The following FAS variants were observed in gnomAD, a reference collection of about 807,000 sequenced individuals.
FAS encodes the protein tumor necrosis factor receptor superfamily member 6.
In FAS, 5 loss-of-function variants were observed where a neutral mutation model predicts 33.2. The ratio of observed to expected loss-of-function variants is 0.15; its 90% CI spans 0.08 to 0.32. FAS has a LOEUF of 0.32. Ranked by LOEUF, FAS falls within the 10% of genes least tolerant of loss-of-function variation. The pLI is 1.00. For missense variants in FAS, 339 were observed against 386.0 expected, an observed-to-expected ratio of 0.88 and a Z score of 1.02; for synonymous variants, 131 against 130.7, an observed-to-expected ratio of 1.00 and a Z score of -0.01.
chr10:89,008,103 G>A (rs138402543), intron 3 of FAS, among the ~76,000 whole-genome samples: 67 of 152,234 alleles, frequency 4.4e-4, no homozygotes, highest in Non-Finnish European at 2.9e-5. Flanking sequence ...CAAATCAAAA[G>A]CTCAGAAATT....
chr10:89,012,259 C>T (rs997503329), intron 7 of FAS, 178 bp downstream of exon 7: 1 of 570,978 alleles, frequency 1.8e-6, no homozygotes, highest in Non-Finnish European at 3.1e-6. Flanking sequence ...CTCACTGCAG[C>T]CTCAAAGTCC....
rs763983348 is a variant in FAS, at chr10:89,016,007, C to T, written c.*1557C>T. 8.2e-6 allele frequency: 2 copies of T among 243,700 alleles called. No individual in the cohort carries two copies. The highest frequency in any genetic ancestry group is 5.9e-5 in the East Asian group (1 of 17,038). The allele number at this position is 243,700 out of a possible 1,614,324, so 15.1% of individuals were successfully genotyped here. A position where few individuals can be genotyped will look rare whatever the true frequency, so the allele number is the denominator to read the frequency against. On this transcript the variant is annotated 3_prime_UTR_variant, in exon 9 of 9. Coordinates refer to ENST00000652046, the MANE Select transcript of FAS (RefSeq NM_000043.6). ...CACATGATTATTCGTCAAACAGTTTCGTATTCCAGATACTGGAATGTGGAT... is the reference window on the plus strand; with the variant it reads ...CACATGATTATTCGTCAAACAGTTTTGTATTCCAGATACTGGAATGTGGAT...
At chr10:88,964,922 A>C (rs1416153274) in intron 1 of FAS, among the ~76,000 whole-genome samples, 1 of 151,548 alleles carries the variant, frequency 6.6e-6, no homozygotes, top group Non-Finnish European at 1.5e-5. Flanking sequence ...TGCAACTTTC[A>C]CTCCAAGCTT....
chr10:88,998,629 C>G (rs1174307933), intron 1 of FAS, among the ~76,000 whole-genome samples: 1 of 152,142 alleles, frequency 6.6e-6, no homozygotes, highest in Non-Finnish European at 1.5e-5. Flanking sequence ...GGGGAGGACA[C>G]AGTTTAGCCC....
intron 6 of FAS, chr10:89,011,052 A>G (rs1170621789): frequency 1.9e-5 from 11 of 571,714 alleles, no homozygotes; most frequent in Non-Finnish European, 3.4e-5. Context: ...CTTCCTATGA[A>G]CAGGTGTTCT....
chr10:89,013,546 A>AACAAG (rs1848636309), intron 8 of FAS, among the ~76,000 whole-genome samples, 179 bp downstream of exon 8: 1 of 152,084 alleles, frequency 6.6e-6, no homozygotes, highest in Non-Finnish European at 1.5e-5. Flanking sequence ...TTTATAATGA[A>AACAAG]TACTCATAGT....
At chr10:89,013,527 T>C (rs1848634687) in intron 8 of FAS, among the ~76,000 whole-genome samples, 160 bp downstream of exon 8, 2 of 152,284 alleles carry the variant, frequency 1.3e-5, no homozygotes, top group Non-Finnish European at 1.5e-5. Context: ...ATCAGGCAGT[T>C]TGTTTAAATT....
At chr10:89,010,980 T>C (rs537729204) in intron 6 of FAS, 165 bp downstream of exon 6, 2 of 786,472 alleles carry the variant, frequency 2.5e-6, no homozygotes, top group Admixed American at 2.1e-5. Flanking sequence ...TAAGAACAAA[T>C]GAAATTATTC....
upstream of FAS, among the ~76,000 whole-genome samples, chr10:88,982,830 T>C (rs1200237560): frequency 3.3e-5 from 5 of 152,182 alleles, no homozygotes. Context: ...ACATTTCCCA[T>C]CTACTACCAC....
chr10:89,007,626 C>A, intron 2 of FAS, 74 bp from the exon 3 acceptor site: 6 of 1,553,096 alleles, frequency 3.9e-6, no homozygotes, highest in South Asian at 2.3e-5. Flanking sequence ...TATTGTCTGT[C>A]ATCCCTCTAT....
chr10:88,998,585 G>A (rs1276360133), intron 1 of FAS, among the ~76,000 whole-genome samples: 1 of 152,122 alleles, frequency 6.6e-6, no homozygotes, highest in Non-Finnish European at 1.5e-5. Context: ...CAGGAAGTTA[G>A]GGTATCAGTA....
intron 1 of FAS, among the ~76,000 whole-genome samples, chr10:89,000,152 A>G (rs1329531718): frequency 6.6e-6 from 1 of 152,232 alleles, no homozygotes; most frequent in Non-Finnish European, 1.5e-5. Flanking sequence ...AAGAAAATAT[A>G]TCCGATGAAA....
intron 1 of FAS, chr10:88,991,367 G>C (rs1269464978): frequency 3.3e-6 from 1 of 298,730 alleles, no homozygotes; most frequent in Non-Finnish European, 6.5e-6. Context: ...GTGAGTGCGC[G>C]CCGCCCCGCG....
At chr10:89,000,769 G>A (rs572421971) in intron 1 of FAS, among the ~76,000 whole-genome samples, 5 of 152,252 alleles carry the variant, frequency 3.3e-5, no homozygotes, top group South Asian at 4.1e-4. Context: ...CCTCTTGGCC[G>A]GGTGCGTTGG....
At chr10:88,967,397 T>C (rs1387805457) in intron 1 of FAS, among the ~76,000 whole-genome samples, 1 of 152,106 alleles carries the variant, frequency 6.6e-6, no homozygotes, top group African/African-American at 2.4e-5. Context: ...CTCACCTCAG[T>C]TTTTTCATCT....
chr10:88,986,747 G>A (rs578190207), upstream of FAS, among the ~76,000 whole-genome samples: 1 of 151,930 alleles, frequency 6.6e-6, no homozygotes, highest in South Asian at 2.1e-4. Context: ...AGTAGTGCAG[G>A]AAGGAAGAAG....
intron 1 of FAS, among the ~76,000 whole-genome samples, chr10:88,999,537 A>C (rs955164484): frequency 2.6e-5 from 4 of 152,228 alleles, no homozygotes; most frequent in Non-Finnish European, 4.4e-5. Context: ...AATATTCGTA[A>C]TATTTTAAGA....
intron 8 of FAS, 89 bp from the exon 9 acceptor site, chr10:89,014,020 TATATTCTGAA>T: frequency 8.1e-7 from 1 of 1,228,956 alleles, no homozygotes. Context: ...AGGACTTAGC[TATATTCTGAA>T]GTACTATAAA....
At chr10:89,004,395 A>G (rs1486976276) in intron 2 of FAS, among the ~76,000 whole-genome samples, 1 of 152,142 alleles carries the variant, frequency 6.6e-6, no homozygotes, top group Non-Finnish European at 1.5e-5. Context: ...TTTAAGTTTT[A>G]GGGTACACAT....
Sources: allele counts gnomAD v4.1 joint callset (sites outside exome capture counted in the v4.1 genomes callset), GRCh38; gene constraint gnomAD v4.1.1; transcripts MANE v1.5; gene names NCBI Gene and HGNC (gene_info 2026-07-23, HGNC 2026-07-21).